Variants in FCER1A observed in about 807,000 individuals in gnomAD.
The protein encoded by FCER1A is high affinity immunoglobulin epsilon receptor subunit alpha.
In FCER1A, 24 loss-of-function variants were observed where a neutral mutation model predicts 23.6. That is an observed-to-expected ratio of 1.02 (90% CI 0.74 to 1.43). The LOEUF (loss-of-function observed/expected upper bound fraction) is 1.43, where lower values mean the gene tolerates loss of function less well. Among genes scored for constraint, FCER1A ranks in the 40% most tolerant of loss-of-function variants. The pLI, the probability that FCER1A is intolerant of heterozygous loss-of-function variation, is 0.00. For missense variants in FCER1A, 318 were observed against 294.5 expected, an observed-to-expected ratio of 1.08 and a Z score of -0.58; for synonymous variants, 121 against 108.8, an observed-to-expected ratio of 1.11 and a Z score of -0.70.
chr1:159,288,076 G>A (rs1652060734), upstream of FCER1A, among the ~76,000 whole-genome samples: 3 of 152,160 alleles, frequency 2.0e-5, no homozygotes, highest in South Asian at 4.1e-4. Flanking sequence ...TAAGAATGGA[G>A]TAATATGGGA....
At chr1:159,287,331 T>C (rs538142912), upstream of FCER1A, among the ~76,000 whole-genome samples, 3 of 152,232 alleles carry the variant, frequency 2.0e-5, no homozygotes, top group Non-Finnish European at 4.4e-5. Flanking sequence ...GTTAATTAAA[T>C]TTACAGTCAA....
At chr1:159,286,183 C>T (rs1652011022), upstream of FCER1A, among the ~76,000 whole-genome samples, 1 of 151,500 alleles carries the variant, frequency 6.6e-6, no homozygotes, top group African/African-American at 2.4e-5. Context: ...GAGTGAGACC[C>T]TGCCACCAAA....
intron 3 of FCER1A, 135 bp downstream of exon 3, chr1:159,304,317 A>T: frequency 1.2e-6 from 1 of 827,410 alleles, no homozygotes; most frequent in Non-Finnish European, 1.9e-6. Context: ...AGACCCCTGC[A>T]TTGGCTGGGC....
intron 4 of FCER1A, among the ~76,000 whole-genome samples, chr1:159,306,538 C>T (rs558722614): frequency 6.6e-6 from 1 of 152,142 alleles, no homozygotes; most frequent in Non-Finnish European, 1.5e-5. Flanking sequence ...CCAAGCATAA[C>T]AGATTGTGAT....
Position 159,302,844 on chromosome 1 carries a change from A to T in FCER1A, c.56-10A>T. On this transcript the variant is annotated splice_polypyrimidine_tract_variant and intron_variant, in intron 1 of 4. Coordinates refer to ENST00000693622, the MANE Select transcript of FCER1A (RefSeq NM_001387280.1). ...CTGGACACTAATGTATCCTCTCTGG[A>T]CTTTTGCAGCTCCAGATGGCGTGTT... 6.2e-7 allele frequency: 1 copy of T among 1,613,648 alleles called. No individual in the cohort carries two copies. The highest frequency in any genetic ancestry group is 8.5e-7 in the Non-Finnish European group (1 of 1,179,548).
At chr1:159,299,351 GAGA>G (rs1652371834), upstream of FCER1A, among the ~76,000 whole-genome samples, 1 of 152,116 alleles carries the variant, frequency 6.6e-6, no homozygotes, top group Non-Finnish European at 1.5e-5. Flanking sequence ...CCCAGTTTTG[GAGA>G]AGGACATAAA....
intron 3 of FCER1A, 88 bp downstream of exon 3, chr1:159,304,270 A>C (rs1305162273): frequency 2.3e-6 from 3 of 1,312,724 alleles, no homozygotes; most frequent in Non-Finnish European, 3.2e-6. Context: ...TCCAAGGGTT[A>C]GGACACCAGA....
At chr1:159,302,537 C>A in intron 1 of FCER1A, 118 bp downstream of exon 1, 1 of 813,000 alleles carries the variant, frequency 1.2e-6, no homozygotes, top group South Asian at 1.4e-5. Context: ...AACTATTGGG[C>A]ATTTCCCAGG....
At chr1:159,303,535 C>A (rs536018590) in intron 2 of FCER1A, among the ~76,000 whole-genome samples, 1 of 152,208 alleles carries the variant, frequency 6.6e-6, no homozygotes, top group Admixed American at 6.5e-5. Flanking sequence ...TTCACTCATT[C>A]ATTCACATAA....
intron 1 of FCER1A, among the ~76,000 whole-genome samples, chr1:159,295,991 T>C (rs1469885927): frequency 1.3e-5 from 2 of 152,222 alleles, no homozygotes; most frequent in African/African-American, 2.4e-5. Context: ...ATAAAAATGA[T>C]ATTACAATAT....
chr1:159,308,048 T>C lies in FCER1A; in HGVS notation c.*116T>C. On this transcript the variant is annotated 3_prime_UTR_variant, in exon 5 of 5. Coordinates refer to ENST00000693622, the MANE Select transcript of FCER1A (RefSeq NM_001387280.1). ...AGAAACGTCTGTGCTCAAGGATTTA[T>C]AGAAATGCTTCATTAAACTGAGTGA... is the stretch of plus-strand genomic sequence containing the variant. 2.9e-6 allele frequency: 2 copies of C among 683,854 alleles called. No individual in the cohort carries two copies. Among genetic ancestry groups the C allele is most frequent in the Non-Finnish European group, 4.7e-6 (2 of 429,336 alleles). The allele number at this position is 683,854 out of a possible 1,614,324, so 42.4% of individuals were successfully genotyped here. A position where few individuals can be genotyped will look rare whatever the true frequency, so the allele number is the denominator to read the frequency against.
chr1:159,286,394 GCA>G (rs1372330624), upstream of FCER1A, among the ~76,000 whole-genome samples: 13 of 151,342 alleles, frequency 8.6e-5, no homozygotes, highest in Non-Finnish European at 1.2e-4. Context: ...GTGCAGTGGC[GCA>G]GTCTCGGCTC....
In FCER1A at chr1:159,304,107, G is replaced by C; in HGVS notation, c.256G>C (p.Glu86Gln). 6.2e-7 allele frequency: 1 copy of C among 1,614,006 alleles called. No homozygotes were observed. The highest frequency in any genetic ancestry group is 2.2e-5 in the East Asian group (1 of 44,876). ...TTTGAATATTGTGAATGCCAAATTTGAAGACAGTGGAGAATACAAATGTCA... is the reference window on the plus strand; with the variant it reads ...TTTGAATATTGTGAATGCCAAATTTCAAGACAGTGGAGAATACAAATGTCA... ...SSLNIVNAKF[E>Q]DSGEYKCQHQ... Residue 86 changes from glutamate (E) to glutamine (Q), a missense_variant, in exon 3 of 5, where the codon GAA (glutamate) becomes CAA (glutamine). By Grantham distance (29) the Glu-to-Gln change is conservative. Transcript: ENST00000693622.
intron 3 of FCER1A, among the ~76,000 whole-genome samples, chr1:159,304,637 C>G (rs1481913340): frequency 6.6e-6 from 1 of 152,002 alleles, no homozygotes; most frequent in Non-Finnish European, 1.5e-5. Context: ...AAAAAGACCC[C>G]TGCATCTCTT....
chr1:159,288,031 A>T (rs1436935673), upstream of FCER1A, among the ~76,000 whole-genome samples: 1 of 152,126 alleles, frequency 6.6e-6, no homozygotes, highest in East Asian at 1.9e-4. Context: ...GGAAAGATGC[A>T]ATTTTCATAT....
upstream of FCER1A, among the ~76,000 whole-genome samples, chr1:159,286,923 G>C (rs1251619984): frequency 6.6e-6 from 1 of 152,096 alleles, no homozygotes; most frequent in Non-Finnish European, 1.5e-5. Flanking sequence ...ATATTATAGG[G>C]GGAGGAGGCA....
upstream of FCER1A, among the ~76,000 whole-genome samples, chr1:159,287,059 G>T (rs1379212106): frequency 6.6e-6 from 1 of 152,108 alleles, no homozygotes; most frequent in Admixed American, 6.5e-5. Context: ...AAAATCTAGG[G>T]CATTTTTTCA....
At chr1:159,294,686 G>A (rs565339630) in intron 1 of FCER1A, among the ~76,000 whole-genome samples, 61 of 152,190 alleles carry the variant, frequency 4.0e-4, no homozygotes, top group Non-Finnish European at 5.9e-4. Context: ...ATAAATACTT[G>A]TTGAACAAAG....
chr1:159,304,466 G>A (rs1220437861), intron 3 of FCER1A, among the ~76,000 whole-genome samples: 1 of 152,092 alleles, frequency 6.6e-6, no homozygotes, highest in African/African-American at 2.4e-5. Flanking sequence ...AATTAGCCGG[G>A]CGTAGTGGTG....
Sources: allele counts gnomAD v4.1 joint callset (sites outside exome capture counted in the v4.1 genomes callset), GRCh38; gene constraint gnomAD v4.1.1; transcripts MANE v1.5; gene names NCBI Gene and HGNC (gene_info 2026-07-23, HGNC 2026-07-21).